The following SCTR variants were observed in gnomAD, a reference collection of about 807,000 sequenced individuals.
SCTR encodes the protein secretin receptor.
Under a neutral mutation model 60.8 loss-of-function variants are expected in SCTR, and 56 were observed. That is an observed-to-expected ratio of 0.92 (90% CI 0.74 to 1.15). The LOEUF (loss-of-function observed/expected upper bound fraction) is 1.15, where lower values mean the gene tolerates loss of function less well. Ranked by LOEUF, SCTR falls within the 50% of genes most tolerant of loss-of-function variation. The pLI is 0.00. For synonymous variants in SCTR, 202 were observed against 217.0 expected, an observed-to-expected ratio of 0.93 and a Z score of 0.61; for missense variants, 562 against 550.4, an observed-to-expected ratio of 1.02 and a Z score of -0.21.
At chr2:119,506,918 A>G (rs1678758692) in intron 1 of SCTR, among the ~76,000 whole-genome samples, 1 of 152,194 alleles carries the variant, frequency 6.6e-6, no homozygotes, top group African/African-American at 2.4e-5. Context: ...TGCCAGAAAT[A>G]TTCTGTATCT....
chr2:119,474,978 G>A lies in SCTR; in HGVS notation c.302-1422C>T, dbSNP rs538857782. 2.0e-5 allele frequency among the ~76,000 whole-genome samples: 3 copies of A among 152,318 alleles called. No individual in the cohort carries two copies. The East Asian group carries it at 5.8e-4, about 29-fold the overall frequency. The stretch of plus-strand genomic sequence containing the variant: ...CCTCTTGGTCACTGTGTGACCTTCG[G>A]TGCATCATTTCTCTGTGCCACAAAA... On this transcript the variant is annotated intron_variant, in intron 3 of 12. Coordinates refer to ENST00000019103, the MANE Select transcript of SCTR (RefSeq NM_002980.3).
chr2:119,478,566 G>A (rs959000292), intron 3 of SCTR, among the ~76,000 whole-genome samples: 11 of 152,150 alleles, frequency 7.2e-5, no homozygotes, highest in African/African-American at 2.7e-4. Context: ...GACAGAAGCA[G>A]GCCCAGCCTC....
chr2:119,463,298 G>T (rs1296854896), intron 6 of SCTR, among the ~76,000 whole-genome samples: 1 of 152,154 alleles, frequency 6.6e-6, no homozygotes, highest in African/African-American at 2.4e-5. Context: ...TCTGGGGAAG[G>T]TGCCCTTTCT....
chr2:119,471,297 A>G (rs1370118963), intron 4 of SCTR, among the ~76,000 whole-genome samples: 1 of 152,206 alleles, frequency 6.6e-6, no homozygotes, highest in Non-Finnish European at 1.5e-5. Flanking sequence ...TTTGAAACAA[A>G]TAAGCCCCCT....
At chr2:119,492,833 T>G (rs1573897922) in intron 2 of SCTR, among the ~76,000 whole-genome samples, 1 of 366 alleles carries the variant, frequency 2.7e-3, no homozygotes, top group African/African-American at 0.018. Flanking sequence ...ACTTTTTTAA[T>G]ATTTATTTAT....
chr2:119,453,665 C>A (rs1455794208), intron 7 of SCTR, among the ~76,000 whole-genome samples: 1 of 152,228 alleles, frequency 6.6e-6, no homozygotes, highest in East Asian at 1.9e-4. Flanking sequence ...GACTCCTGGG[C>A]AGGCTCGTGG....
At chr2:119,523,339 C>T (rs966795929) in intron 1 of SCTR, among the ~76,000 whole-genome samples, 54 of 151,430 alleles carry the variant, frequency 3.6e-4, no homozygotes, top group Admixed American at 3.3e-4. Context: ...CAGAGAGGCC[C>T]GGGACTCCCA....
rs543133626 is a variant in SCTR at position 119,443,759 on chromosome 2, C to T, written c.1141-2160G>A. ...ACAGGCTTTCATCATGTTGCCCAGGCTGGTCTCGAACTCCTGAGCTCAGGC... is the reference window on the plus strand; with the variant it reads ...ACAGGCTTTCATCATGTTGCCCAGGTTGGTCTCGAACTCCTGAGCTCAGGC... On this transcript the variant is annotated intron_variant, in intron 11 of 12. Transcript: ENST00000019103. 2.0e-5 allele frequency among the ~76,000 whole-genome samples: 3 copies of T among 152,286 alleles called. No homozygotes were observed. The East Asian group carries it at 5.8e-4, about 29-fold the overall frequency.
chr2:119,520,929 G>A (rs963301845), intron 1 of SCTR, among the ~76,000 whole-genome samples: 2 of 152,160 alleles, frequency 1.3e-5, no homozygotes, highest in Non-Finnish European at 1.5e-5. Flanking sequence ...AAGCAGGGGC[G>A]ATTTTGCCCT....
At chr2:119,471,680 A>G (rs973589642) in intron 4 of SCTR, among the ~76,000 whole-genome samples, 2 of 152,222 alleles carry the variant, frequency 1.3e-5, no homozygotes, top group African/African-American at 4.8e-5. Context: ...AGGGACAGGC[A>G]AAGCTTGCCC....
Position 119,453,334 on chromosome 2 carries a change from A to G in SCTR, c.804T>C (p.Ile268=). ...FVAFGWGSPA[I]FVALWAIARH... ...TGGCAATAGCCCACAAAGCAACAAA[A>G]ATGGCTGGAGAACCTGAGGATTAAA... Residue 268 remains isoleucine (I), a synonymous_variant, in exon 8 of 13, where the codon ATT becomes ATC. Transcript: ENST00000019103. 1.2e-6 allele frequency: 2 copies of G among 1,613,732 alleles called. No individual in the cohort carries two copies. The highest frequency in any genetic ancestry group is 1.7e-6 in the Non-Finnish European group (2 of 1,179,602).
intron 1 of SCTR, among the ~76,000 whole-genome samples, chr2:119,498,485 GTT>G (rs964298265): frequency 6.6e-6 from 1 of 152,030 alleles, no homozygotes; most frequent in Non-Finnish European, 1.5e-5. Context: ...CTTCTCTTCA[GTT>G]TTCTAAATTA....
At chr2:119,460,473 TGGG>T (rs1420893066) in intron 7 of SCTR, among the ~76,000 whole-genome samples, 1 of 150,572 alleles carries the variant, frequency 6.6e-6, no homozygotes, top group East Asian at 1.9e-4. Flanking sequence ...GATGGATGGA[TGGG>T]TGTTAATGGC....
chr2:119,477,416 C>G (rs1031944863), intron 3 of SCTR, among the ~76,000 whole-genome samples: 1 of 151,898 alleles, frequency 6.6e-6, no homozygotes, highest in Non-Finnish European at 1.5e-5. Flanking sequence ...TCAGGAATAC[C>G]TGTTTCCTGT....
In SCTR at chr2:119,466,238, G is replaced by C. The variant is rs889473800; in HGVS notation, c.406-352C>G. On this transcript the variant is annotated intron_variant, in intron 4 of 12. Coordinates refer to ENST00000019103, the MANE Select transcript of SCTR (RefSeq NM_002980.3). The stretch of plus-strand genomic sequence containing the variant: ...TGAGAAAGTTATTTGGTGTAAAATA[G>C]CACAAAATATTAGATTTTGTTTATG... Among the ~76,000 whole-genome samples the C allele has an allele frequency of 5.3e-5, 8 of 152,058 alleles. No individual in the cohort carries two copies. In the East Asian group the frequency reaches 1.5e-3, roughly 29 times the overall value.
At chr2:119,483,352 A>G (rs1677717010) in intron 2 of SCTR, among the ~76,000 whole-genome samples, 1 of 152,202 alleles carries the variant, frequency 6.6e-6, no homozygotes, top group Non-Finnish European at 1.5e-5. Context: ...TGGGTGACAG[A>G]GCTGGTGATA....
intron 3 of SCTR, among the ~76,000 whole-genome samples, chr2:119,475,316 G>C (rs1177481973): frequency 6.6e-6 from 1 of 152,182 alleles, no homozygotes; most frequent in Non-Finnish European, 1.5e-5. Context: ...ATAAGACAGC[G>C]CGTGCCTAGA....
chr2:119,521,783 G>A (rs1023570383), intron 1 of SCTR, among the ~76,000 whole-genome samples: 1 of 152,074 alleles, frequency 6.6e-6, no homozygotes, highest in African/African-American at 2.4e-5. Context: ...AAAATCAAAT[G>A]TGTGACCACC....
At chr2:119,464,065 G>A in intron 6 of SCTR, 58 bp downstream of exon 6, 1 of 1,591,690 alleles carries the variant, frequency 6.3e-7, no homozygotes, top group Non-Finnish European at 8.6e-7. Context: ...CCTCTCCAAA[G>A]CTAGGCTGGG....
Sources: allele counts gnomAD v4.1 joint callset (sites outside exome capture counted in the v4.1 genomes callset), GRCh38; gene constraint gnomAD v4.1.1; transcripts MANE v1.5; gene names NCBI Gene and HGNC (gene_info 2026-07-23, HGNC 2026-07-21).